Variants in GHR observed in about 807,000 individuals in gnomAD.
GHR encodes GH receptor.
GHR carries 35 observed loss-of-function variants against 67.1 expected under a neutral mutation model. The observed-to-expected ratio is 0.52, with a 90% CI of 0.40 to 0.69. The LOEUF is 0.69. GHR is among the 30% of genes least tolerant of loss of function. The pLI, the probability that GHR is intolerant of heterozygous loss-of-function variation, is 0.00. For missense variants in GHR, 792 were observed against 764.6 expected (o/e 1.04, Z -0.42); for synonymous variants, 272 against 269.1 (o/e 1.01, Z -0.10).
At chr5:42,468,010 T>TCAGGTC in intron 1 of GHR, 1 of 762,410 alleles carries the variant, frequency 1.3e-6, no homozygotes, top group Non-Finnish European at 2.2e-6. Flanking sequence ...CACAAGCCTC[T>TCAGGTC]CTTAACTCAG....
At chr5:42,444,943 T>A (rs1743743071) in intron 1 of GHR, among the ~76,000 whole-genome samples, 1 of 152,218 alleles carries the variant, frequency 6.6e-6, no homozygotes, top group Admixed American at 6.5e-5. Context: ...TCTTACTGTA[T>A]GTGGCCTGAA....
intron 1 of GHR, among the ~76,000 whole-genome samples, chr5:42,432,327 G>A (rs1246819221): frequency 3.3e-5 from 5 of 151,996 alleles, no homozygotes; most frequent in Admixed American, 1.3e-4. Context: ...AAACAGAATC[G>A]CAGATAGTTC....
chr5:42,644,657 T>A (rs774916904), intron 3 of GHR, among the ~76,000 whole-genome samples: 1 of 152,014 alleles, frequency 6.6e-6, no homozygotes, highest in Non-Finnish European at 1.5e-5. Flanking sequence ...TTTTTTTAAA[T>A]GAGAAAGTTT....
At chr5:42,559,070 A>T (rs1295065271) in intron 1 of GHR, among the ~76,000 whole-genome samples, 1 of 152,226 alleles carries the variant, frequency 6.6e-6, no homozygotes, top group Admixed American at 6.5e-5. Context: ...AAAGCTTAAA[A>T]AGTGGGTTCA....
intron 1 of GHR, among the ~76,000 whole-genome samples, chr5:42,441,399 A>G (rs1245661101): frequency 1.3e-5 from 2 of 152,308 alleles, no homozygotes; most frequent in Non-Finnish European, 2.9e-5. Flanking sequence ...TGTCATGGGA[A>G]ATGGGTGGAA....
intron 1 of GHR, among the ~76,000 whole-genome samples, chr5:42,475,941 T>C (rs1196314845): frequency 9.5e-6 from 1 of 105,302 alleles, no homozygotes; most frequent in African/African-American, 3.9e-5. Context: ...AGTCTCGCTC[T>C]GTCACCAGGC....
chr5:42,429,303 G>A (rs1211759569), intron 1 of GHR, among the ~76,000 whole-genome samples: 1 of 152,084 alleles, frequency 6.6e-6, no homozygotes. Context: ...GGAAAAACTC[G>A]CCCTCTTGGT....
chr5:42,539,253 A>G (rs1429474562), intron 1 of GHR, among the ~76,000 whole-genome samples: 2 of 152,148 alleles, frequency 1.3e-5, no homozygotes, highest in Non-Finnish European at 2.9e-5. Context: ...GGGGTGTTAA[A>G]GAGCCTTGCT....
At chr5:42,535,768 A>C (rs1348504095) in intron 1 of GHR, among the ~76,000 whole-genome samples, 2 of 152,112 alleles carry the variant, frequency 1.3e-5, no homozygotes, top group African/African-American at 2.4e-5. Context: ...TTTTCACAAT[A>C]TTGATTCTAC....
chr5:42,692,754 GCT>G (rs1757477540), intron 4 of GHR, among the ~76,000 whole-genome samples: 1 of 152,142 alleles, frequency 6.6e-6, no homozygotes, highest in Non-Finnish European at 1.5e-5. Context: ...TCATGAAAGA[GCT>G]AATCTTTTAG....
At position 42,694,962 on chromosome 5, in the gene GHR, T is replaced by C; in HGVS notation, c.312T>C (p.Tyr104=). The C allele has an allele frequency of 6.2e-7, 1 of 1,611,858 alleles. No individual in the cohort carries two copies. The highest frequency in any genetic ancestry group is 1.3e-5 in the African/African-American group (1 of 75,042). The change falls in exon 5 of 10, where the codon TAT becomes TAC. Residue 104 remains tyrosine (Y), a synonymous_variant. Coordinates refer to ENST00000230882, the MANE Select transcript of GHR (RefSeq NM_000163.5). ...WTQEWKECPD[Y]VSAGENSCYF... is the part of the protein sequence containing the mutation. ...AAGAATGGAAAGAATGCCCTGATTA[T>C]GTTTCTGCTGGGGAAAACAGCTGTT...
At chr5:42,438,782 G>A (rs1362110789) in intron 1 of GHR, among the ~76,000 whole-genome samples, 3 of 152,060 alleles carry the variant, frequency 2.0e-5, no homozygotes, top group African/African-American at 7.2e-5. Flanking sequence ...ATGGAGCCTT[G>A]ACACCCAGTG....
intron 1 of GHR, among the ~76,000 whole-genome samples, chr5:42,501,161 A>G (rs1423648027): frequency 1.3e-5 from 2 of 152,202 alleles, no homozygotes; most frequent in Non-Finnish European, 2.9e-5. Context: ...AGTACTGACC[A>G]TAATGAAATC....
chr5:42,706,241 CTG>C (rs905011897), intron 6 of GHR, among the ~76,000 whole-genome samples: 1 of 151,620 alleles, frequency 6.6e-6, no homozygotes, highest in African/African-American at 2.4e-5. Flanking sequence ...TTTAATGGGA[CTG>C]TTTGTTTTTG....
intron 2 of GHR, among the ~76,000 whole-genome samples, chr5:42,575,821 G>A (rs1007007584): frequency 6.6e-6 from 1 of 151,266 alleles, no homozygotes; most frequent in South Asian, 2.1e-4. Context: ...GGATCGAGAG[G>A]TCAAGAGTTT....
intron 2 of GHR, among the ~76,000 whole-genome samples, chr5:42,579,980 T>C (rs1192442063): frequency 2.0e-5 from 3 of 152,108 alleles, no homozygotes; most frequent in African/African-American, 7.2e-5. Flanking sequence ...ATTCAAGTTT[T>C]TCATGTGAAA....
intron 2 of GHR, among the ~76,000 whole-genome samples, chr5:42,580,108 T>C (rs1015710046): frequency 6.7e-4 from 102 of 152,340 alleles, no homozygotes; most frequent in African/African-American, 2.4e-3. Context: ...AAATCCATAC[T>C]ATGATTCAGT....
chr5:42,553,146 G>T (rs546086336), intron 1 of GHR, among the ~76,000 whole-genome samples: 98 of 152,142 alleles, frequency 6.4e-4, no homozygotes, highest in Non-Finnish European at 1.1e-3. Flanking sequence ...AAACTTAGTG[G>T]CTTAAACAAT....
intron 1 of GHR, among the ~76,000 whole-genome samples, chr5:42,512,477 G>A (rs143524903): frequency 2.5e-4 from 38 of 152,178 alleles, no homozygotes; most frequent in East Asian, 1.2e-3. Flanking sequence ...AACCAGATTC[G>A]TCTTCTCACT....
Sources: gnomAD v4.1 joint callset for allele counts (sites outside exome capture counted in the v4.1 genomes callset) on GRCh38, gnomAD v4.1.1 for gene constraint, MANE v1.5 for transcripts, NCBI Gene and HGNC (gene_info 2026-07-23, HGNC 2026-07-21) for gene names.